The following AP1B1 variants were observed in gnomAD, a reference collection of about 807,000 sequenced individuals.
The protein encoded by AP1B1 is AP-1 complex subunit beta-1.
AP1B1 carries 36 observed loss-of-function variants against 104.3 expected under a neutral mutation model. The observed-to-expected ratio is 0.35, with a 90% confidence interval of 0.26 to 0.46. The LOEUF (loss-of-function observed/expected upper bound fraction) is 0.46. Ranked by LOEUF, AP1B1 falls within the 20% of genes least tolerant of loss-of-function variation. The probability of loss-of-function intolerance (pLI) is 1.00; values close to 1 mark genes in which losing one functional copy is unlikely to be tolerated. For synonymous variants in AP1B1, 504 were observed against 517.5 expected (o/e 0.97, Z 0.35); for missense variants, 901 against 1,247.9 (o/e 0.72, Z 4.19).
chr22:29,328,723 C>A lies in AP1B1; in HGVS notation c.*98G>T, dbSNP rs759793610. The A allele has an allele frequency of 2.4e-5, 34 of 1,442,166 alleles. No individual in the cohort carries two copies. The highest frequency in any genetic ancestry group is 3.1e-5 in the Non-Finnish European group (33 of 1,070,092). The allele number at this position is 1,442,166 out of a possible 1,614,324, so 89.3% of individuals were successfully genotyped here. A position where few individuals can be genotyped will look rare whatever the true frequency, so the allele number is the denominator to read the frequency against. On this transcript the variant is annotated 3_prime_UTR_variant, in exon 23 of 23. Coordinates refer to ENST00000357586, the MANE Select transcript of AP1B1 (RefSeq NM_001127.4). This position sits in a 1 kb window ranked among gnomAD's most constrained non-coding sequence, Gnocchi z 4.1. The stretch of plus-strand genomic sequence containing the variant: ...AGGGAGCCCACTGAGTGGCCTGGAG[C>A]CCCGCCTGGTCCCTCCTGCGAGGAG...
intron 11 of AP1B1, among the ~76,000 whole-genome samples, chr22:29,342,949 A>T (rs1027022968): frequency 6.6e-6 from 1 of 151,884 alleles, no homozygotes; most frequent in Non-Finnish European, 1.5e-5. Flanking sequence ...TCTCATGCCA[A>T]CCCCACCTCC....
chr22:29,349,420 AAGG>A, intron 10 of AP1B1, 37 bp from the exon 11 acceptor site: 2 of 1,605,248 alleles, frequency 1.2e-6, no homozygotes, highest in Non-Finnish European at 1.7e-6. Flanking sequence ...GGGAGCCCTC[AAGG>A]AGAACGGGAA....
At position 29,355,294 on chromosome 22, in the gene AP1B1, A is replaced by G. The variant is rs1347510416; in HGVS notation, c.717-423T>C. Among the ~76,000 whole-genome samples the G allele has an allele frequency of 2.0e-5, 3 of 150,374 alleles. No individual in the cohort carries two copies. The East Asian group carries it at 5.8e-4, about 29-fold the overall frequency. On this transcript the variant is annotated intron_variant, in intron 6 of 22. Coordinates refer to ENST00000357586, the MANE Select transcript of AP1B1 (RefSeq NM_001127.4). ...CAAAATCATGAGACCCTTCTCTACT[A>G]AAAATAATTTTACACATTAGCTGAG...
chr22:29,355,587 G>C (rs760401278), intron 6 of AP1B1, among the ~76,000 whole-genome samples: 2 of 152,106 alleles, frequency 1.3e-5, no homozygotes, highest in Non-Finnish European at 2.9e-5. Flanking sequence ...GAATCAAGAT[G>C]ATGATGCCTA....
chr22:29,358,682 C>T, intron 5 of AP1B1, 44 bp downstream of exon 5: 2 of 1,585,730 alleles, frequency 1.3e-6, no homozygotes, highest in Non-Finnish European at 1.7e-6. Context: ...TCCCAAGCAA[C>T]CCAGGAGGTG....
intron 14 of AP1B1, among the ~76,000 whole-genome samples, chr22:29,340,101 C>T (rs948427169): frequency 1.3e-5 from 2 of 152,116 alleles, no homozygotes; most frequent in African/African-American, 4.8e-5. Context: ...GAGGTTTAGG[C>T]GCCCCCACAC....
intron 6 of AP1B1, 77 bp from the exon 7 acceptor site, chr22:29,354,948 T>A: frequency 7.5e-7 from 1 of 1,341,054 alleles, no homozygotes; most frequent in Non-Finnish European, 1.1e-6. Context: ...CAAAATAGCA[T>A]GTCCAGGCCA....
chr22:29,330,577 CCTGGGTACAGGCGAGGGG>C, intron 20 of AP1B1, 28 bp downstream of exon 20: 1 of 1,612,810 alleles, frequency 6.2e-7, no homozygotes, highest in Non-Finnish European at 8.5e-7. Context: ...AGCGCGGGGG[CCTGGGTACAGGCGAGGGG>C]CTGGGGTCGG....
At chr22:29,333,977 A>G (rs951415948) in intron 17 of AP1B1, among the ~76,000 whole-genome samples, 1 of 152,208 alleles carries the variant, frequency 6.6e-6, no homozygotes, top group African/African-American at 2.4e-5. Flanking sequence ...AGGCGGAAGA[A>G]TTGCTTGAAC....
At chr22:29,352,142 C>A (rs1341447407) in intron 7 of AP1B1, among the ~76,000 whole-genome samples, 1 of 152,208 alleles carries the variant, frequency 6.6e-6, no homozygotes, top group Non-Finnish European at 1.5e-5. Context: ...CAGTCCCAGT[C>A]CCAGCCTGTG....
chr22:29,355,939 T>C (rs926282939), intron 6 of AP1B1, among the ~76,000 whole-genome samples: 1 of 151,894 alleles, frequency 6.6e-6, no homozygotes. Flanking sequence ...TTCCTCCGAC[T>C]TGGAGGGTAT....
At chr22:29,378,905 A>C (rs2062392945) in intron 1 of AP1B1, among the ~76,000 whole-genome samples, 1 of 151,638 alleles carries the variant, frequency 6.6e-6, no homozygotes, top group Non-Finnish European at 1.5e-5. Context: ...GCCCACTAGC[A>C]ATTAAAGACT....
chr22:29,359,802 C>T (rs148361764), intron 4 of AP1B1, 22 bp downstream of exon 4: 46 of 1,605,774 alleles, frequency 2.9e-5, no homozygotes, highest in African/African-American at 1.1e-4. Flanking sequence ...AATGTCCCCA[C>T]GCCCACCAAG....
intron 5 of AP1B1, among the ~76,000 whole-genome samples, chr22:29,357,507 A>T (rs2061977559): frequency 6.6e-6 from 1 of 152,046 alleles, no homozygotes; most frequent in Non-Finnish European, 1.5e-5. Flanking sequence ...CTGAGATTAC[A>T]GGCACGCACC....
intron 2 of AP1B1, among the ~76,000 whole-genome samples, chr22:29,364,204 C>G (rs1256953853): frequency 6.6e-6 from 1 of 152,220 alleles, no homozygotes; most frequent in Admixed American, 6.5e-5. Flanking sequence ...TTCAGGGTTT[C>G]ACTTCCTGAG....
Position 29,349,375 on chromosome 22 carries a change from C to T in AP1B1, c.1280G>A (p.Ser427Asn), listed in dbSNP as rs1183324698. ...ATTCTCACACAGTGTGGCAATCACA[C>T]TCTCATACCTGGGAGACCAGGGCAC... ...IFRKYPNKYE[S>N]VIATLCENLD... The change falls in exon 11 of 23, where the codon AGT becomes AAT. Residue 427 changes from serine to asparagine, a missense_variant. By Grantham distance (46) the Ser-to-Asn change is conservative. Around this residue, in one of 3 missense-constraint regions of AP1B1, gnomAD observed 471 missense variants for 696.7 expected, o/e 0.68. Coordinates refer to ENST00000357586, the MANE Select transcript of AP1B1 (RefSeq NM_001127.4). 2.5e-6 allele frequency: 4 copies of T among 1,613,646 alleles called. No individual in the cohort carries two copies. The highest frequency in any genetic ancestry group is 1.3e-5 in the African/African-American group (1 of 74,926).
Position 29,330,362 on chromosome 22 carries a change from G to T in AP1B1, c.2766+16C>A. 1 of 1,612,572 alleles carries T rather than the reference G, an allele frequency of 6.2e-7. No individual in the cohort carries two copies. Among genetic ancestry groups the T allele is most frequent in the African/African-American group, 1.3e-5 (1 of 75,070 alleles). On this transcript the variant is annotated intron_variant, in intron 21 of 22. Transcript: ENST00000357586. ...GGGAGGCTCCAAGGCTGCAGGGCGG[G>T]TGCCGGGGCTCTCACCGTGCAGCTG...
At chr22:29,382,793 T>G (rs1011856247) in intron 1 of AP1B1, among the ~76,000 whole-genome samples, 2 of 152,066 alleles carry the variant, frequency 1.3e-5, no homozygotes, top group Admixed American at 6.6e-5. Context: ...TGAATGTGGC[T>G]GAGTGAGCAA....
At chr22:29,369,423 A>G (rs577581611) in intron 1 of AP1B1, among the ~76,000 whole-genome samples, 4 of 152,366 alleles carry the variant, frequency 2.6e-5, no homozygotes, top group African/African-American at 9.6e-5. Context: ...CTTCACTGAC[A>G]AAACAGTACA....
Sources: allele counts gnomAD v4.1 joint callset (sites outside exome capture counted in the v4.1 genomes callset), GRCh38; gene constraint gnomAD v4.1.1; regional missense constraint gnomAD v4.1.1; non-coding constraint Gnocchi (gnomAD v3.1); transcripts MANE v1.5; gene names NCBI Gene and HGNC (gene_info 2026-07-23, HGNC 2026-07-21).